Variants in AHCTF1 observed in about 807,000 individuals in gnomAD.
AHCTF1 encodes AT-hook containing transcription factor 1, also known as protein ELYS.
Under a neutral mutation model 248.4 loss-of-function variants are expected in AHCTF1, and 24 were observed. The ratio of observed to expected loss-of-function variants is 0.10; its 90% confidence interval spans 0.07 to 0.14. The LOEUF is 0.14. Among genes scored for constraint, AHCTF1 ranks in the 10% least tolerant of loss-of-function variants. AHCTF1 has a pLI of 1.00. For synonymous variants in AHCTF1, 786 were observed against 929.8 expected, an observed-to-expected ratio of 0.85 and a Z score of 2.81; for missense variants, 2,206 against 2,636.2, an observed-to-expected ratio of 0.84 and a Z score of 3.57.
intron 6 of AHCTF1, among the ~76,000 whole-genome samples, chr1:246,904,386 T>C (rs1024625173): frequency 6.6e-6 from 1 of 152,238 alleles, no homozygotes; most frequent in Non-Finnish European, 1.5e-5. Context: ...CAGCTTCCTT[T>C]GCAGCTAAGT....
At chr1:246,885,415 T>C in intron 21 of AHCTF1, 78 bp downstream of exon 21, 1 of 1,250,478 alleles carries the variant, frequency 8.0e-7, no homozygotes, top group Non-Finnish European at 1.1e-6. Context: ...CAATTGTATA[T>C]TGCCACTGTC....
At chr1:246,901,593 G>C (rs1041329297) in intron 8 of AHCTF1, among the ~76,000 whole-genome samples, 2 of 151,990 alleles carry the variant, frequency 1.3e-5, no homozygotes, top group Non-Finnish European at 2.9e-5. Context: ...AACTGCACTG[G>C]ACAGAGCGAG....
chr1:246,892,494 T>G (rs1664281491), intron 14 of AHCTF1, among the ~76,000 whole-genome samples: 1 of 151,922 alleles, frequency 6.6e-6, no homozygotes, highest in Non-Finnish European at 1.5e-5. Context: ...CTAATTTTTG[T>G]ATTTTTAGTA....
At chr1:246,923,012 T>C (rs1212685776) in intron 1 of AHCTF1, among the ~76,000 whole-genome samples, 1 of 127,608 alleles carries the variant, frequency 7.8e-6, no homozygotes, top group Non-Finnish European at 1.6e-5. Flanking sequence ...AAAGTATCAA[T>C]AGTATTCTTA....
At position 246,887,326 on chromosome 1, in the gene AHCTF1, G is replaced by A; in HGVS notation, c.2357C>T (p.Ser786Phe). The part of the protein sequence containing the change: ...TIYLLLDIMY[S>F]FPNKTDTPIE... ...GGGAGTGTCTGTTTTGTTGGGAAAG[G>A]AATACATAATATCAAGTAGCAAATA... Residue 786 changes from serine to phenylalanine, a missense_variant, in exon 20 of 36, where the codon TCC becomes TTC. By Grantham distance (155) the Ser-to-Phe change is radical. Transcript: ENST00000648844. 6.2e-7 allele frequency: 1 copy of A among 1,612,130 alleles called. No homozygotes were observed. Among genetic ancestry groups the A allele is most frequent in the Non-Finnish European group, 8.5e-7 (1 of 1,179,264 alleles).
At chr1:246,862,378 G>T (rs1027065247) in intron 27 of AHCTF1, among the ~76,000 whole-genome samples, 1 of 151,998 alleles carries the variant, frequency 6.6e-6, no homozygotes, top group Non-Finnish European at 1.5e-5. Flanking sequence ...TACTTGGGAG[G>T]CTGAGGCAGG....
At chr1:246,871,176 T>G (rs879681623) in intron 24 of AHCTF1, among the ~76,000 whole-genome samples, 2 of 152,312 alleles carry the variant, frequency 1.3e-5, no homozygotes, top group East Asian at 3.9e-4. Context: ...AAGGCCCCCA[T>G]GTCTTAGGAC....
intron 3 of AHCTF1, 124 bp from the exon 4 acceptor site, chr1:246,913,536 A>G (rs1277734530): frequency 2.3e-6 from 2 of 856,480 alleles, no homozygotes; most frequent in Non-Finnish European, 3.4e-6. Context: ...GTAAATTTGC[A>G]TTTGATACTT....
chr1:246,841,058 G>C, intron 35 of AHCTF1, 60 bp from the exon 36 acceptor site: 2 of 1,453,970 alleles, frequency 1.4e-6, no homozygotes, highest in Non-Finnish European at 1.8e-6. Context: ...AATAAAATTG[G>C]CTTCCCAACA....
At chr1:246,879,589 C>T (rs898108432) in intron 21 of AHCTF1, among the ~76,000 whole-genome samples, 5 of 151,992 alleles carry the variant, frequency 3.3e-5, no homozygotes, top group African/African-American at 1.2e-4. Flanking sequence ...TTTGGGAGAC[C>T]GAGACAGGTG....
intron 15 of AHCTF1, among the ~76,000 whole-genome samples, chr1:246,891,483 GT>G (rs199612083): frequency 0.041 from 6,303 of 152,126 alleles, 442 homozygotes; most frequent in African/African-American, 0.14. Flanking sequence ...AAATTTATGA[GT>G]TCTTTGAATA....
chr1:246,882,536 G>T (rs938282615), intron 21 of AHCTF1, among the ~76,000 whole-genome samples: 4 of 152,120 alleles, frequency 2.6e-5, no homozygotes, highest in African/African-American at 9.7e-5. Context: ...TGCTATGTGG[G>T]ACATTCGATA....
chr1:246,926,322 T>G (rs1002604718), intron 1 of AHCTF1, among the ~76,000 whole-genome samples: 21 of 152,226 alleles, frequency 1.4e-4, no homozygotes, highest in African/African-American at 5.1e-4. Context: ...TTCTAGCACT[T>G]AATAATACAT....
At chr1:246,865,611 T>G (rs1001144583) in intron 26 of AHCTF1, among the ~76,000 whole-genome samples, 3 of 152,220 alleles carry the variant, frequency 2.0e-5, no homozygotes, top group Middle Eastern at 3.2e-3. Flanking sequence ...AAAGGAACAC[T>G]GTTAAATGTT....
At chr1:246,888,795 A>G (rs1474029963) in intron 17 of AHCTF1, among the ~76,000 whole-genome samples, 1 of 152,148 alleles carries the variant, frequency 6.6e-6, no homozygotes, top group African/African-American at 2.4e-5. Context: ...CTGTAGTCCT[A>G]GCCACTCAGG....
At chr1:246,864,188 C>T (rs1572383003) in intron 26 of AHCTF1, 72 bp from the exon 27 acceptor site, 1 of 1,415,458 alleles carries the variant, frequency 7.1e-7, no homozygotes, top group Non-Finnish European at 9.6e-7. Context: ...TTTAATCAGA[C>T]CTCTATATTC....
chr1:246,856,255 A>G (rs1661103999), intron 30 of AHCTF1, among the ~76,000 whole-genome samples: 1 of 152,256 alleles, frequency 6.6e-6, no homozygotes, highest in East Asian at 1.9e-4. Flanking sequence ...ACTCAGAATA[A>G]GAGACCAATG....
chr1:246,855,819 A>C lies in AHCTF1; in HGVS notation c.4265T>G (p.Phe1422Cys). The C allele has an allele frequency of 6.2e-7, 1 of 1,612,850 alleles. No homozygotes were observed. Among genetic ancestry groups the C allele is most frequent in the Non-Finnish European group, 8.5e-7 (1 of 1,179,384 alleles). ...CAPSVYEGKI[F>C]TQKSKVPVLD... ...CACTGGTACCTTGGACTTCTGGGTG[A>C]AGATTTTCCTTTAGAAAAAGAAATA... Residue 1422 changes from phenylalanine to cysteine, a missense_variant, in exon 31 of 36, where the codon TTC becomes TGC. Phe to Cys is a radical substitution (Grantham distance 205). Transcript: ENST00000648844.
At chr1:246,918,488 T>A in intron 1 of AHCTF1, 111 bp from the exon 2 acceptor site, 2 of 1,086,246 alleles carry the variant, frequency 1.8e-6, no homozygotes, top group Non-Finnish European at 2.5e-6. Context: ...AAAGAAAAAC[T>A]AAAATCTGGT....
Sources: allele counts gnomAD v4.1 joint callset (sites outside exome capture counted in the v4.1 genomes callset), GRCh38; gene constraint gnomAD v4.1.1; transcripts MANE v1.5; gene names NCBI Gene and HGNC (gene_info 2026-07-23, HGNC 2026-07-21).